LRP1B: variants seen among roughly 807,000 people sequenced by gnomAD.
LRP1B encodes LDL receptor related protein 1B, also known as low-density lipoprotein receptor-related protein 1B.
In LRP1B, 217 loss-of-function variants were observed where a neutral mutation model predicts 556.6. That is an observed-to-expected ratio of 0.39 (90% CI 0.35 to 0.44). The LOEUF (loss-of-function observed/expected upper bound fraction) is 0.44, where lower values mean the gene tolerates loss of function less well. Among genes scored for constraint, LRP1B ranks in the 20% least tolerant of loss-of-function variants. LRP1B has a pLI of 1.00. For missense variants in LRP1B, 5,053 were observed against 5,620.8 expected (o/e 0.90, Z 3.23); for synonymous variants, 2,047 against 1,865.8 (o/e 1.10, Z -2.50).
At chr2:142,086,120 T>C (rs1705909570) in intron 1 of LRP1B, among the ~76,000 whole-genome samples, 1 of 152,206 alleles carries the variant, frequency 6.6e-6, no homozygotes, top group African/African-American at 2.4e-5. Flanking sequence ...ACTTGGTGTA[T>C]CTAGAACTGT....
chr2:140,532,944 A>ATC (rs1433618941), intron 47 of LRP1B, among the ~76,000 whole-genome samples: 3,303 of 119,768 alleles, frequency 0.028, 88 homozygotes, highest in African/African-American at 0.035. Flanking sequence ...ATATATATAT[A>ATC]TATACACATA....
At chr2:141,639,365 T>TATATATATATACAC (rs1463685145) in intron 2 of LRP1B, among the ~76,000 whole-genome samples, 4 of 58,690 alleles carry the variant, frequency 6.8e-5, no homozygotes, top group African/African-American at 1.8e-4. Context: ...CACACACACA[T>TATATATATATACAC]ATATATATAT....
At chr2:141,391,613 C>CA (rs112675054) in intron 3 of LRP1B, among the ~76,000 whole-genome samples, 20 of 149,744 alleles carry the variant, frequency 1.3e-4, no homozygotes, top group African/African-American at 2.4e-4. Flanking sequence ...CAGTTTTATA[C>CA]AAAAAAAAAT....
At chr2:141,690,709 G>A (rs559174323) in intron 2 of LRP1B, among the ~76,000 whole-genome samples, 10 of 151,312 alleles carry the variant, frequency 6.6e-5, no homozygotes, top group African/African-American at 2.4e-4. Flanking sequence ...TGGTATCAGA[G>A]TTTGTGTCAA....
At chr2:140,511,083 T>C (rs544773231) in intron 51 of LRP1B, among the ~76,000 whole-genome samples, 4 of 152,096 alleles carry the variant, frequency 2.6e-5, no homozygotes, top group East Asian at 1.9e-4. Flanking sequence ...GTGTTGAAAA[T>C]AGTATATTAT....
chr2:140,650,417 C>A (rs559590118), intron 41 of LRP1B, among the ~76,000 whole-genome samples: 8 of 151,186 alleles, frequency 5.3e-5, no homozygotes, highest in Non-Finnish European at 1.2e-4. Context: ...GGCACAATCT[C>A]GGCTCACTGC....
At chr2:141,873,617 A>G (rs80280889) in intron 1 of LRP1B, among the ~76,000 whole-genome samples, 26,210 of 151,942 alleles carry the variant, frequency 0.17, 2,313 homozygotes, top group South Asian at 0.19. Context: ...TGGAAATAAG[A>G]ATACTATAAT....
chr2:140,968,039 C>T (rs1404618062), intron 18 of LRP1B, among the ~76,000 whole-genome samples: 12 of 114,886 alleles, frequency 1.0e-4, no homozygotes, highest in African/African-American at 3.8e-4. Context: ...ATGATGCTGG[C>T]CTCATAAAAT....
At chr2:141,573,769 C>G (rs1686626311) in intron 2 of LRP1B, among the ~76,000 whole-genome samples, 1 of 151,960 alleles carries the variant, frequency 6.6e-6, no homozygotes. Context: ...AGGGATATCA[C>G]CACTGATCCC....
chr2:140,681,204 A>C (rs1209734199), intron 41 of LRP1B, among the ~76,000 whole-genome samples: 2 of 152,204 alleles, frequency 1.3e-5, no homozygotes, highest in Non-Finnish European at 2.9e-5. Flanking sequence ...TTTCCAAATG[A>C]AGAGTGCCGA....
chr2:141,140,654 G>A (rs909637254), intron 7 of LRP1B, among the ~76,000 whole-genome samples: 2 of 152,124 alleles, frequency 1.3e-5, no homozygotes, highest in East Asian at 3.9e-4. Flanking sequence ...AAGGACAGAC[G>A]TCTTAGGGGA....
chr2:141,471,277 T>TGTTG (rs757706182), intron 3 of LRP1B, among the ~76,000 whole-genome samples: 1 of 44,324 alleles, frequency 2.3e-5, no homozygotes, highest in Non-Finnish European at 5.9e-5. Flanking sequence ...TATTTTTTTT[T>TGTTG]TTTTTTTTTT....
intron 2 of LRP1B, among the ~76,000 whole-genome samples, chr2:141,706,742 T>G (rs994269709): frequency 2.6e-5 from 4 of 152,108 alleles, no homozygotes; most frequent in Non-Finnish European, 5.9e-5. Flanking sequence ...CAAAAAAGTA[T>G]GGATTATGTA....
intron 66 of LRP1B, among the ~76,000 whole-genome samples, chr2:140,437,834 G>A (rs373181681): frequency 6.6e-5 from 10 of 152,134 alleles, no homozygotes; most frequent in South Asian, 6.2e-4. Flanking sequence ...AAGGGAAGAG[G>A]TGGACGTTAG....
chr2:142,126,819 A>T (rs1415400528), intron 1 of LRP1B, among the ~76,000 whole-genome samples: 1 of 151,910 alleles, frequency 6.6e-6, no homozygotes, highest in East Asian at 1.9e-4. Flanking sequence ...AAGTTCCCTC[A>T]ACATCATAAT....
chr2:140,686,036 G>C (rs957962666), intron 41 of LRP1B, among the ~76,000 whole-genome samples: 2 of 152,106 alleles, frequency 1.3e-5, no homozygotes, highest in Admixed American at 6.6e-5. Flanking sequence ...AAATTTTATA[G>C]ATGCTCCAAA....
intron 86 of LRP1B, among the ~76,000 whole-genome samples, chr2:140,256,449 C>CTTTTTTTTTTTTCTTTTTTTT (rs1681687382): frequency 4.0e-5 from 1 of 25,292 alleles, no homozygotes; most frequent in African/African-American, 1.3e-4. Flanking sequence ...TTTTTCCTTC[C>CTTTTTTTTTTTTCTTTTTTTT]TTTTTTTTTT....
chr2:140,468,392 G>A (rs1687633537), intron 60 of LRP1B, among the ~76,000 whole-genome samples: 1 of 152,168 alleles, frequency 6.6e-6, no homozygotes, highest in South Asian at 2.1e-4. Context: ...CTGCCACAGT[G>A]GTAGGGCCAC....
In LRP1B at chr2:140,282,950, T is replaced by C. The variant is rs182268897; in HGVS notation, c.12968-8352A>G. ...AAATAATAGCCGAGAAATCACAAAG[T>C]AAGACATACCTACAGCATTATCATT... On this transcript the variant is annotated intron_variant, in intron 84 of 90. Transcript: ENST00000389484. Among the ~76,000 whole-genome samples, 77 of 151,896 alleles carry C rather than the reference T, an allele frequency of 5.1e-4. 1 individual carries two copies. Among genetic ancestry groups the C allele is most frequent in the African/African-American group, 1.8e-3 (73 of 41,510 alleles).
Sources: allele counts gnomAD v4.1 joint callset (sites outside exome capture counted in the v4.1 genomes callset), GRCh38; gene constraint gnomAD v4.1.1; transcripts MANE v1.5; gene names NCBI Gene and HGNC (gene_info 2026-07-23, HGNC 2026-07-21).